DLG2: variants seen among roughly 807,000 people sequenced by gnomAD.
The protein encoded by DLG2 is discs large MAGUK scaffold protein 2, also known as disks large homolog 2.
In DLG2, 45 loss-of-function variants were observed where a neutral mutation model predicts 132.5. The ratio of observed to expected loss-of-function variants is 0.34; its 90% CI spans 0.27 to 0.44. DLG2 has a LOEUF of 0.44. Among genes scored for constraint, DLG2 ranks in the 20% least tolerant of loss-of-function variants. The pLI is 1.00. For missense variants in DLG2, 1,045 were observed against 1,196.9 expected, an observed-to-expected ratio of 0.87 and a Z score of 1.87; for synonymous variants, 424 against 419.6, an observed-to-expected ratio of 1.01 and a Z score of -0.13.
chr11:84,286,452 T>G (rs147731587), intron 7 of DLG2, among the ~76,000 whole-genome samples: 146 of 152,274 alleles, frequency 9.6e-4, no homozygotes, highest in African/African-American at 3.4e-3. Flanking sequence ...GATACTCTAA[T>G]CTTAAGGAAG....
chr11:83,855,755 G>A (rs577045123), intron 16 of DLG2, among the ~76,000 whole-genome samples: 7 of 152,116 alleles, frequency 4.6e-5, no homozygotes, highest in Admixed American at 1.3e-4. Flanking sequence ...CAGGAGAATC[G>A]CTTGAACCTG....
intron 3 of DLG2, among the ~76,000 whole-genome samples, chr11:85,531,352 T>C (rs538727697): frequency 8.5e-4 from 130 of 152,306 alleles, no homozygotes; most frequent in Middle Eastern, 3.4e-3. Context: ...AACAGGGTGA[T>C]TTAAGAATAA....
chr11:83,654,104 A>G (rs1395401585), intron 18 of DLG2, among the ~76,000 whole-genome samples: 1 of 152,096 alleles, frequency 6.6e-6, no homozygotes, highest in Non-Finnish European at 1.5e-5. Context: ...GCTGCCCACC[A>G]GTCTGGAAGT....
intron 6 of DLG2, among the ~76,000 whole-genome samples, chr11:84,582,653 G>A (rs183136320): frequency 6.6e-6 from 1 of 151,848 alleles, no homozygotes; most frequent in East Asian, 1.9e-4. Flanking sequence ...GTGTATATTT[G>A]TATATATTAA....
intron 8 of DLG2, among the ~76,000 whole-genome samples, chr11:84,242,349 TTTTTTG>T (rs111359899): frequency 6.6e-6 from 1 of 152,146 alleles, no homozygotes; most frequent in African/African-American, 2.4e-5. Context: ...CTGTTGGTTT[TTTTTTG>T]TTTTTGTTTT....
At chr11:83,594,686 A>G (rs555770207) in intron 19 of DLG2, among the ~76,000 whole-genome samples, 15 of 152,314 alleles carry the variant, frequency 9.8e-5, no homozygotes, top group African/African-American at 3.6e-4. Flanking sequence ...AAGGAAGGGT[A>G]GGACTAGAAG....
At chr11:84,564,747 A>G (rs1428410198) in intron 6 of DLG2, among the ~76,000 whole-genome samples, 1 of 152,162 alleles carries the variant, frequency 6.6e-6, no homozygotes, top group East Asian at 1.9e-4. Flanking sequence ...AGTATGATTC[A>G]GTGATTTTCT....
intron 17 of DLG2, among the ~76,000 whole-genome samples, chr11:83,831,438 C>G (rs1173254882): frequency 6.6e-6 from 1 of 151,880 alleles, no homozygotes; most frequent in African/African-American, 2.4e-5. Context: ...ACACATACGA[C>G]AAGGCTATTC....
chr11:85,100,711 C>A (rs560265501), intron 6 of DLG2, among the ~76,000 whole-genome samples: 156 of 152,222 alleles, frequency 1.0e-3, no homozygotes, highest in African/African-American at 3.6e-3. Flanking sequence ...TTCAACACCA[C>A]CCCACCATCT....
intron 3 of DLG2, among the ~76,000 whole-genome samples, chr11:85,420,477 C>G (rs956162985): frequency 6.6e-6 from 1 of 152,188 alleles, no homozygotes; most frequent in African/African-American, 2.4e-5. Context: ...AGATCCACTG[C>G]TATCTTCAGA....
intron 11 of DLG2, among the ~76,000 whole-genome samples, chr11:84,042,736 G>A (rs1386900534): frequency 6.6e-6 from 1 of 151,770 alleles, no homozygotes; most frequent in Non-Finnish European, 1.5e-5. Context: ...CTTTAGAGGG[G>A]CATGGATGGA....
chr11:84,348,279 AAAG>A (rs2098547650), intron 7 of DLG2, among the ~76,000 whole-genome samples: 1 of 152,216 alleles, frequency 6.6e-6, no homozygotes, highest in South Asian at 2.1e-4. Flanking sequence ...TTCATTTACT[AAAG>A]AAGAAAAATA....
intron 7 of DLG2, among the ~76,000 whole-genome samples, chr11:84,335,526 G>T (rs996191937): frequency 6.6e-5 from 10 of 152,308 alleles, no homozygotes; most frequent in African/African-American, 1.7e-4. Context: ...GGTGACCCTT[G>T]TAAAGTAATA....
chr11:83,877,911 C>T (rs1388123409), intron 15 of DLG2, among the ~76,000 whole-genome samples: 1 of 152,130 alleles, frequency 6.6e-6, no homozygotes, highest in Non-Finnish European at 1.5e-5. Flanking sequence ...TTTTTCCCTT[C>T]GGACCAAGTA....
intron 6 of DLG2, among the ~76,000 whole-genome samples, chr11:84,947,628 G>A (rs772155485): frequency 4.1e-4 from 62 of 152,084 alleles, no homozygotes; most frequent in Non-Finnish European, 8.4e-4. Context: ...AGTGATGGTG[G>A]CTGACTCCTT....
intron 6 of DLG2, among the ~76,000 whole-genome samples, chr11:84,634,176 A>C (rs2154544177): frequency 6.6e-6 from 1 of 152,112 alleles, no homozygotes; most frequent in Admixed American, 6.5e-5. Flanking sequence ...AACCATCTGT[A>C]TTGTCTTCAA....
At chr11:84,324,424 T>G (rs2098420791) in intron 7 of DLG2, among the ~76,000 whole-genome samples, 2 of 152,140 alleles carry the variant, frequency 1.3e-5, no homozygotes, top group Admixed American at 1.3e-4. Context: ...TCCAGCTTAG[T>G]GCCATAGTGT....
chr11:84,887,956 C>G (rs1360064013), intron 6 of DLG2, among the ~76,000 whole-genome samples: 2 of 152,132 alleles, frequency 1.3e-5, no homozygotes, highest in African/African-American at 2.4e-5. Context: ...CATACCAATT[C>G]ATTACCTCAA....
intron 6 of DLG2, among the ~76,000 whole-genome samples, chr11:84,668,699 G>T (rs1207431285): frequency 6.6e-6 from 1 of 151,966 alleles, no homozygotes; most frequent in African/African-American, 2.4e-5. Context: ...ATATTTTATC[G>T]CTGACTCTGA....
Sources: gnomAD v4.1 joint callset for allele counts (sites outside exome capture counted in the v4.1 genomes callset) on GRCh38, gnomAD v4.1.1 for gene constraint, MANE v1.5 for transcripts, NCBI Gene and HGNC (gene_info 2026-07-23, HGNC 2026-07-21) for gene names.